Variants in MID2 observed in about 807,000 individuals in gnomAD.
MID2 encodes the protein midline 2, also known as probable E3 ubiquitin-protein ligase MID2.
MID2 carries 13 observed loss-of-function variants against 46.1 expected under a neutral mutation model. That is an observed-to-expected ratio of 0.28 (90% CI 0.18 to 0.45). The LOEUF (loss-of-function observed/expected upper bound fraction) is 0.45. Among genes scored for constraint, MID2 ranks in the 20% least tolerant of loss-of-function variants. MID2 has a pLI of 1.00. For synonymous variants in MID2, 199 were observed against 212.3 expected, an observed-to-expected ratio of 0.94 and a Z score of 0.55; for missense variants, 431 against 575.4, an observed-to-expected ratio of 0.75 and a Z score of 2.57.
At chrX:107,916,242 TA>T (rs984596680) in intron 6 of MID2, 113 bp downstream of exon 6, 1 of 579,032 alleles carries the variant, frequency 1.7e-6, no homozygotes, top group African/African-American at 2.4e-5. Flanking sequence ...TTATAATCTT[TA>T]AAATGATGCA....
chrX:107,882,013 G>C (rs931563453), intron 3 of MID2, among the ~76,000 whole-genome samples: 14 of 111,964 alleles, frequency 1.3e-4, no homozygotes, highest in Non-Finnish European at 2.6e-4. Flanking sequence ...CAGATATACA[G>C]ACCAATGGAA....
intron 1 of MID2, among the ~76,000 whole-genome samples, chrX:107,827,238 T>A (rs1045415374): frequency 4.5e-5 from 5 of 111,934 alleles, no homozygotes; most frequent in Non-Finnish European, 9.4e-5. Flanking sequence ...ATTGAAATCC[T>A]GCAGTCGTTG....
At chrX:107,837,783 G>C in intron 1 of MID2, among the ~76,000 whole-genome samples, 1 of 111,517 alleles carries the variant, frequency 9.0e-6, no homozygotes, top group South Asian at 3.8e-4. Context: ...CTGTAAGGTG[G>C]ATACAGTAAT....
intron 2 of MID2, among the ~76,000 whole-genome samples, chrX:107,851,402 C>T (rs951520034): frequency 4.5e-5 from 5 of 111,494 alleles, no homozygotes; most frequent in Admixed American, 2.9e-4. Flanking sequence ...TTGCATTCTC[C>T]GCATATTTGA....
At chrX:107,875,701 TG>T (rs1342514119) in intron 3 of MID2, among the ~76,000 whole-genome samples, 2 of 111,624 alleles carry the variant, frequency 1.8e-5, no homozygotes, top group African/African-American at 6.5e-5. Flanking sequence ...TAGAAAGGCA[TG>T]GGTGAACAAC....
At position 107,917,736 on chromosome X, in the gene MID2, C is replaced by T. The variant is rs200917006; in HGVS notation, c.1432C>T (p.Arg478Ter). ...VSCSRLAGAP[R>*]GLYNSVDSWM... ...CTGCTCAAGATTGGCCGGGGCGCCA[C>T]GAGGCAAGTGTTTGTAAGACATGTT... Residue 478 changes from arginine (R) to a stop codon, truncating the protein, a stop_gained, in exon 7 of 10, where the codon CGA becomes TGA. Transcript: ENST00000262843. LOFTEE classifies it high-confidence loss of function. The T allele has an allele frequency of 1.7e-5, 20 of 1,206,695 alleles. No homozygotes were observed. Among genetic ancestry groups the T allele is most frequent in the Admixed American group, 4.4e-5 (2 of 45,882 alleles).
intron 1 of MID2, 149 bp downstream of exon 1, chrX:107,826,579 C>T: frequency 2.8e-6 from 2 of 716,610 alleles, no homozygotes; most frequent in Non-Finnish European, 3.8e-6. Flanking sequence ...TGATGGGGCC[C>T]GCGAGGCTCG....
At chrX:107,875,847 G>A (rs1932186101) in intron 3 of MID2, among the ~76,000 whole-genome samples, 1 of 111,917 alleles carries the variant, frequency 8.9e-6, no homozygotes. Context: ...CAACCCCAGT[G>A]TCCAAAAGGA....
chrX:107,872,749 T>C (rs775760453), intron 3 of MID2, among the ~76,000 whole-genome samples: 33 of 112,202 alleles, frequency 2.9e-4, no homozygotes, highest in African/African-American at 1.0e-3. Context: ...GTTCCTGGGA[T>C]TGGACCTCCA....
chrX:107,851,537 G>C (rs1931615869), intron 2 of MID2, among the ~76,000 whole-genome samples: 2 of 110,567 alleles, frequency 1.8e-5, no homozygotes, highest in Admixed American at 9.7e-5. Context: ...CCCATCCCCT[G>C]CCCTGGGCTT....
At chrX:107,864,005 G>T (rs778484073) in intron 3 of MID2, among the ~76,000 whole-genome samples, 14 of 112,397 alleles carry the variant, frequency 1.2e-4, no homozygotes, top group Non-Finnish European at 9.4e-5. Flanking sequence ...GAACTTGAAG[G>T]CCAGAGATAT....
intron 2 of MID2, among the ~76,000 whole-genome samples, chrX:107,846,616 A>C (rs934850351): frequency 9.0e-6 from 1 of 111,375 alleles, no homozygotes; most frequent in Non-Finnish European, 1.9e-5. Flanking sequence ...CAAACTGTGC[A>C]CTAAGACTCA....
At chrX:107,832,992 A>G (rs764628196) in intron 1 of MID2, among the ~76,000 whole-genome samples, 3 of 111,962 alleles carry the variant, frequency 2.7e-5, no homozygotes, top group African/African-American at 9.7e-5. Context: ...GTCCTCTGGA[A>G]CATCCATTAT....
Position 107,917,503 on chromosome X carries a change from C to T in MID2, c.1202-3C>T. On this transcript the variant is annotated splice_polypyrimidine_tract_variant and splice_region_variant and intron_variant, in intron 6 of 9. Coordinates refer to ENST00000262843, the MANE Select transcript of MID2 (RefSeq NM_012216.4). Reference sequence around the variant, plus strand: ...TTACTTTCTTTTCCACCTTTCCTTACAGCCCCAAACCCACCATCTATCCGA... The same window carrying T: ...TTACTTTCTTTTCCACCTTTCCTTATAGCCCCAAACCCACCATCTATCCGA... 8.4e-7 allele frequency: 1 copy of T among 1,189,549 alleles called. No individual in the cohort carries two copies. Among genetic ancestry groups the T allele is most frequent in the South Asian group, 1.8e-5 (1 of 55,268 alleles).
At chrX:107,861,244 T>G (rs1931845849) in intron 3 of MID2, among the ~76,000 whole-genome samples, 1 of 111,967 alleles carries the variant, frequency 8.9e-6, no homozygotes, top group African/African-American at 3.2e-5. Context: ...AAGATTTCAT[T>G]AGTCATCTTT....
intron 2 of MID2, among the ~76,000 whole-genome samples, chrX:107,845,525 A>ACACTCTCTCTCTCTCTCTCTCT (rs1276957001): frequency 7.8e-4 from 57 of 72,943 alleles, no homozygotes; most frequent in African/African-American, 4.2e-3. Context: ...ACACACACAC[A>ACACTCTCTCTCTCTCTCTCTCT]CTCTCTCTCT....
intron 3 of MID2, among the ~76,000 whole-genome samples, chrX:107,875,250 T>G (rs1261174440): frequency 9.0e-6 from 1 of 111,605 alleles, no homozygotes; most frequent in Non-Finnish European, 1.9e-5. Flanking sequence ...TTCAGGTACT[T>G]GAGATAGCAG....
At chrX:107,895,762 C>T (rs1028220878) in intron 3 of MID2, 2 of 111,853 alleles carry the variant, frequency 1.8e-5, no homozygotes, top group African/African-American at 6.5e-5. Flanking sequence ...ACAAAACAAG[C>T]AGTAGATTGG....
intron 7 of MID2, among the ~76,000 whole-genome samples, chrX:107,923,961 C>T: frequency 8.9e-6 from 1 of 112,045 alleles, no homozygotes; most frequent in Middle Eastern, 4.6e-3. Flanking sequence ...AGGATTGCTC[C>T]ATCCATACAA....
Sources: gnomAD v4.1 joint callset for allele counts (sites outside exome capture counted in the v4.1 genomes callset) on GRCh38, gnomAD v4.1.1 for gene constraint, MANE v1.5 for transcripts, NCBI Gene and HGNC (gene_info 2026-07-23, HGNC 2026-07-21) for gene names.